The following LRRC4C variants were observed in gnomAD, a reference collection of about 807,000 sequenced individuals.
LRRC4C encodes the protein leucine-rich repeat-containing protein 4C.
Under a neutral mutation model 33.6 loss-of-function variants are expected in LRRC4C, and 5 were observed. The ratio of observed to expected loss-of-function variants is 0.15; its 90% confidence interval spans 0.08 to 0.31. LRRC4C has a LOEUF of 0.31. LRRC4C is among the 10% of genes least tolerant of loss of function. The pLI, the probability that LRRC4C is intolerant of heterozygous loss-of-function variation, is 1.00. For missense variants in LRRC4C, 560 were observed against 796.7 expected (o/e 0.70, Z 3.58); for synonymous variants, 329 against 302.0 (o/e 1.09, Z -0.93).
At chr11:40,775,273 G>A (rs766465150) in intron 2 of LRRC4C, among the ~76,000 whole-genome samples, 2 of 152,062 alleles carry the variant, frequency 1.3e-5, no homozygotes, top group Non-Finnish European at 2.9e-5. Context: ...AGCTGGGCGT[G>A]GTGGCTGGCG....
chr11:40,772,728 G>A (rs1181640305), intron 2 of LRRC4C, among the ~76,000 whole-genome samples: 1 of 152,108 alleles, frequency 6.6e-6, no homozygotes, highest in Non-Finnish European at 1.5e-5. Flanking sequence ...GTAGAGAAAC[G>A]TGAACCCTCA....
intron 5 of LRRC4C, among the ~76,000 whole-genome samples, chr11:40,217,100 T>C (rs938328615): frequency 2.0e-5 from 3 of 152,174 alleles, no homozygotes; most frequent in African/African-American, 7.2e-5. Context: ...GAAAATCTAT[T>C]TTATTAAGCT....
intron 1 of LRRC4C, among the ~76,000 whole-genome samples, chr11:41,058,538 G>A (rs757436521): frequency 1.1e-4 from 17 of 152,240 alleles, no homozygotes; most frequent in Non-Finnish European, 2.4e-4. Flanking sequence ...CTAAACTTGG[G>A]CAAAGGTGCC....
chr11:41,114,604 CT>C lies in LRRC4C; in HGVS notation c.-495-180882del, dbSNP rs1490174497. On this transcript the variant is annotated intron_variant, in intron 1 of 6. Transcript: ENST00000528697. ...TAAACATTTCATCCTCATAATCTCC[CT>C]TTTTTACACATCTCTAAATTTTAAA... 6.6e-5 allele frequency among the ~76,000 whole-genome samples: 10 copies of C among 152,068 alleles called. 1 individual carries two copies. The highest frequency in any genetic ancestry group is 4.2e-4 in the South Asian group (2 of 4,818).
intron 1 of LRRC4C, among the ~76,000 whole-genome samples, chr11:41,137,173 AG>A (rs1414705429): frequency 1.3e-5 from 2 of 151,956 alleles, no homozygotes; most frequent in Non-Finnish European, 2.9e-5. Context: ...GCTTGAACCC[AG>A]GAGGTCGCAG....
intron 4 of LRRC4C, among the ~76,000 whole-genome samples, chr11:40,306,161 T>C (rs1301662641): frequency 1.3e-5 from 2 of 152,232 alleles, no homozygotes; most frequent in South Asian, 2.1e-4. Context: ...ATGTTAAAAC[T>C]ATTTTTTGGA....
chr11:41,290,334 T>C (rs1366731763), intron 1 of LRRC4C, among the ~76,000 whole-genome samples: 1 of 152,214 alleles, frequency 6.6e-6, no homozygotes, highest in Non-Finnish European at 1.5e-5. Context: ...GCAGGTATCA[T>C]GCAAGAATAA....
At chr11:41,028,125 T>C (rs541422458) in intron 1 of LRRC4C, among the ~76,000 whole-genome samples, 1 of 151,712 alleles carries the variant, frequency 6.6e-6, no homozygotes, top group South Asian at 2.1e-4. Flanking sequence ...TGTAATCCCC[T>C]CTAGAAATGT....
At chr11:40,697,259 G>C (rs941338400) in intron 2 of LRRC4C, among the ~76,000 whole-genome samples, 8 of 152,036 alleles carry the variant, frequency 5.3e-5, no homozygotes, top group Non-Finnish European at 8.8e-5. Flanking sequence ...ATCTGAAAAA[G>C]TGTGACTGGC....
intron 5 of LRRC4C, among the ~76,000 whole-genome samples, chr11:40,200,836 T>C (rs544214991): frequency 6.1e-5 from 9 of 148,292 alleles, no homozygotes; most frequent in Non-Finnish European, 1.3e-4. Context: ...TCTTTCAAAA[T>C]TTTGATAAGC....
intron 3 of LRRC4C, among the ~76,000 whole-genome samples, chr11:40,378,118 C>A (rs1054053140): frequency 6.6e-6 from 1 of 151,930 alleles, no homozygotes; most frequent in Non-Finnish European, 1.5e-5. Flanking sequence ...ACTCTAAATT[C>A]ACTTTCTAGG....
chr11:41,406,649 C>A (rs567472148), intron 1 of LRRC4C, among the ~76,000 whole-genome samples: 1 of 150,990 alleles, frequency 6.6e-6, no homozygotes, highest in South Asian at 2.1e-4. Flanking sequence ...TTTGCTAGGA[C>A]CTAATCTAGC....
chr11:40,363,238 G>A (rs955728645), intron 3 of LRRC4C, among the ~76,000 whole-genome samples: 14 of 152,136 alleles, frequency 9.2e-5, no homozygotes, highest in African/African-American at 3.4e-4. Flanking sequence ...AAAAAAGAAT[G>A]AGACCATGTC....
intron 1 of LRRC4C, among the ~76,000 whole-genome samples, chr11:41,448,384 T>C (rs1239709238): frequency 2.0e-5 from 3 of 149,130 alleles, no homozygotes; most frequent in Non-Finnish European, 4.5e-5. Context: ...CTGCTCACTG[T>C]AACCTCCACC....
At chr11:40,788,198 G>A (rs940615210) in intron 2 of LRRC4C, among the ~76,000 whole-genome samples, 4 of 152,164 alleles carry the variant, frequency 2.6e-5, no homozygotes, top group South Asian at 2.1e-4. Flanking sequence ...TATTTCAAAA[G>A]TGTGCTTCCC....
intron 5 of LRRC4C, among the ~76,000 whole-genome samples, chr11:40,189,469 G>C (rs1026448350): frequency 6.6e-6 from 1 of 152,060 alleles, no homozygotes; most frequent in Non-Finnish European, 1.5e-5. Flanking sequence ...TATTCCGTGG[G>C]CCTCAGTTTC....
chr11:40,356,881 A>G (rs892873616), intron 3 of LRRC4C, among the ~76,000 whole-genome samples: 1 of 152,178 alleles, frequency 6.6e-6, no homozygotes, highest in Admixed American at 6.5e-5. Context: ...GAATTACTTT[A>G]TACATTTACA....
intron 2 of LRRC4C, among the ~76,000 whole-genome samples, chr11:40,826,131 G>C (rs1366586978): frequency 6.6e-6 from 1 of 151,906 alleles, no homozygotes; most frequent in Non-Finnish European, 1.5e-5. Context: ...GCTTGTTAAA[G>C]AGCAAATCAT....
chr11:40,659,204 G>A (rs947544400), intron 2 of LRRC4C, among the ~76,000 whole-genome samples: 1 of 152,244 alleles, frequency 6.6e-6, no homozygotes, highest in Non-Finnish European at 1.5e-5. Context: ...GACCCAGTCA[G>A]ATGTGCATGC....
Sources: gnomAD v4.1 joint callset for allele counts (sites outside exome capture counted in the v4.1 genomes callset) on GRCh38, gnomAD v4.1.1 for gene constraint, MANE v1.5 for transcripts, NCBI Gene and HGNC (gene_info 2026-07-23, HGNC 2026-07-21) for gene names.